Variants in MBNL3 observed in about 807,000 individuals in gnomAD.
MBNL3 encodes muscleblind like splicing regulator 3.
Under a neutral mutation model 24.5 loss-of-function variants are expected in MBNL3, and 6 were observed. The observed-to-expected ratio is 0.25, with a 90% CI of 0.13 to 0.48. The LOEUF (loss-of-function observed/expected upper bound fraction) is 0.48, where lower values mean the gene tolerates loss of function less well. MBNL3 is among the 20% of genes least tolerant of loss of function. The pLI is 0.99. For missense variants in MBNL3, 230 were observed against 293.5 expected (o/e 0.78, Z 1.58); for synonymous variants, 100 against 101.7 (o/e 0.98, Z 0.10).
At chrX:132,385,402 A>G (rs1935819058) in intron 6 of MBNL3, among the ~76,000 whole-genome samples, 3 of 111,623 alleles carry the variant, frequency 2.7e-5, no homozygotes, top group Admixed American at 1.9e-4. Flanking sequence ...TTCCACAGCT[A>G]TAATACAAAT....
chrX:132,370,433 C>A lies in MBNL3; in HGVS notation c.*9233G>T, dbSNP rs1569396032. On this transcript the variant is annotated 3_prime_UTR_variant, in exon 9 of 9. Coordinates refer to ENST00000370853, the MANE Select transcript of MBNL3 (RefSeq NM_001386889.1). The stretch of plus-strand genomic sequence containing the variant: ...AATTACGAGAGTGTTCATTTTTTGG[C>A]CTTCCTGATGTGGTGAATGACTGCA... 9.0e-6 allele frequency: 1 copy of A among 111,473 alleles called. No homozygotes were observed. The highest frequency in any genetic ancestry group is 1.9e-5 in the Non-Finnish European group (1 of 53,065). 9.2% of individuals were successfully genotyped at this position (111,473 alleles called of 1,213,427 possible). A position where few individuals can be genotyped will look rare whatever the true frequency, so the allele number is the denominator to read the frequency against.
chrX:132,416,336 C>T (rs764665143), intron 2 of MBNL3, among the ~76,000 whole-genome samples: 2 of 108,809 alleles, frequency 1.8e-5, no homozygotes, highest in Non-Finnish European at 3.8e-5. Context: ...CACTAATATG[C>T]GAGAGCTAAA....
intron 1 of MBNL3, among the ~76,000 whole-genome samples, chrX:132,447,268 T>C (rs1356168072): frequency 8.9e-6 from 1 of 111,963 alleles, no homozygotes; most frequent in Non-Finnish European, 1.9e-5. Context: ...AAATTTAAAG[T>C]AGTTTTTTCC....
intron 2 of MBNL3, among the ~76,000 whole-genome samples, chrX:132,423,804 C>T (rs1944051210): frequency 9.0e-6 from 1 of 111,616 alleles, no homozygotes; most frequent in Admixed American, 9.5e-5. Context: ...AACTGAGGCC[C>T]CCAGTTAACC....
At chrX:132,484,930 C>CGT (rs1491213286) in intron 1 of MBNL3, among the ~76,000 whole-genome samples, 3 of 101,117 alleles carry the variant, frequency 3.0e-5, no homozygotes, top group African/African-American at 1.3e-4. Flanking sequence ...AGAATACACA[C>CGT]GCGCACACAC....
At chrX:132,425,203 G>C (rs1414179428) in intron 2 of MBNL3, among the ~76,000 whole-genome samples, 3 of 111,564 alleles carry the variant, frequency 2.7e-5, no homozygotes, top group East Asian at 5.6e-4. Flanking sequence ...ATCATATCTT[G>C]GTTATTGAGG....
chrX:132,400,702 T>G (rs1259959554), intron 3 of MBNL3, among the ~76,000 whole-genome samples: 1 of 111,781 alleles, frequency 8.9e-6, no homozygotes, highest in Non-Finnish European at 1.9e-5. Context: ...CAATGTTAGT[T>G]GAACAAACAG....
In MBNL3 at chrX:132,457,447, A is replaced by G. The variant is rs1055789719; in HGVS notation, c.-703-17133T>C. ...TAGGCAAAAAAGAAGGAGGTGAAAA[A>G]GGAGGAGATGGAGGAGGAGGAGTCA... On this transcript the variant is annotated intron_variant, in intron 1 of 8. Transcript: ENST00000370853. 1.7e-4 allele frequency among the ~76,000 whole-genome samples: 19 copies of G among 111,116 alleles called. 1 individual carries two copies. Among genetic ancestry groups the G allele is most frequent in the African/African-American group, 5.2e-4 (16 of 30,599 alleles).
intron 2 of MBNL3, chrX:132,411,327 A>G (rs1029410280): frequency 5.8e-5 from 44 of 752,378 alleles, no homozygotes; most frequent in Non-Finnish European, 6.3e-5. Context: ...TTTCTTGCCT[A>G]TCTGTCTCCA....
At chrX:132,393,056 C>A (rs889398375) in intron 3 of MBNL3, among the ~76,000 whole-genome samples, 4 of 111,218 alleles carry the variant, frequency 3.6e-5, no homozygotes, top group Non-Finnish European at 5.7e-5. Context: ...TTGATACAGG[C>A]ATACTGTGTG....
chrX:132,471,167 A>C (rs1475237816), intron 1 of MBNL3, among the ~76,000 whole-genome samples: 1 of 111,411 alleles, frequency 9.0e-6, no homozygotes, highest in Non-Finnish European at 1.9e-5. Context: ...AGAAAAAAGT[A>C]CAAAATTACA....
At position 132,375,165 on chromosome X, in the gene MBNL3, T is replaced by C; in HGVS notation, c.*4501A>G. 8.9e-6 allele frequency: 1 copy of C among 111,840 alleles called. No individual in the cohort carries two copies. Among genetic ancestry groups the C allele is most frequent in the Non-Finnish European group, 1.9e-5 (1 of 53,008 alleles). The allele number at this position is 111,840 out of a possible 1,213,427, so 9.2% of individuals were successfully genotyped here. On this transcript the variant is annotated 3_prime_UTR_variant, in exon 9 of 9. Transcript: ENST00000370853. ...CTGTATTTTCTACAGGCTCATACTG[T>C]CACAAATCACCTATAGTTTACAAGT...
At chrX:132,426,373 C>T (rs1294152254) in intron 2 of MBNL3, among the ~76,000 whole-genome samples, 3 of 111,868 alleles carry the variant, frequency 2.7e-5, no homozygotes, top group East Asian at 2.8e-4. Context: ...TCAATTCCAT[C>T]GCTAGTTTTC....
At chrX:132,396,937 C>CATATATACATTCAT (rs1556298993) in intron 3 of MBNL3, among the ~76,000 whole-genome samples, 4 of 70,900 alleles carry the variant, frequency 5.6e-5, no homozygotes, top group African/African-American at 1.1e-4. Context: ...TATATACATT[C>CATATATACATTCAT]ATATATATAT....
rs769312406 is a variant in MBNL3 at position 132,381,465 on chromosome X, A to G, written c.1053+713T>C. 19 of 915,594 alleles carry G rather than the reference A, an allele frequency of 2.1e-5. No individual in the cohort carries two copies. The South Asian group carries it at 4.0e-4, about 19-fold the overall frequency. The allele number at this position is 915,594 out of a possible 1,213,427, so 75.5% of individuals were successfully genotyped here. ...AGTAAAAAAGATTTTAGATTAAAAT[A>G]GTTTCTTGGGAGAATTCTGTTTATG... On this transcript the variant is annotated intron_variant, in intron 8 of 8. Coordinates refer to ENST00000370853, the MANE Select transcript of MBNL3 (RefSeq NM_001386889.1).
chrX:132,415,842 A>C (rs1412523021), intron 2 of MBNL3, among the ~76,000 whole-genome samples: 1 of 111,921 alleles, frequency 8.9e-6, no homozygotes, highest in Non-Finnish European at 1.9e-5. Context: ...GCATGGACTA[A>C]GTTTATATTT....
In MBNL3 at chrX:132,392,136, C is replaced by G. The variant is rs769503922; in HGVS notation, c.534+7G>C. Reference sequence around the variant, plus strand: ...CTACAGGTATTTATATATATGTTCACAAATACCTCCAGTTTATCTGAACGC... The same window carrying G: ...CTACAGGTATTTATATATATGTTCAGAAATACCTCCAGTTTATCTGAACGC... On this transcript the variant is annotated splice_region_variant and intron_variant, in intron 4 of 8. Coordinates refer to ENST00000370853, the MANE Select transcript of MBNL3 (RefSeq NM_001386889.1). 3 of 1,183,910 alleles carry G rather than the reference C, an allele frequency of 2.5e-6. No individual in the cohort carries two copies. The South Asian group carries it at 5.7e-5, about 22-fold the overall frequency.
At position 132,423,406 on chromosome X, in the gene MBNL3, C is replaced by T. The variant is rs181989583; in HGVS notation, c.177+16029G>A. On this transcript the variant is annotated intron_variant, in intron 2 of 8. Transcript: ENST00000370853. ...ACACCTTTACTCACTACAGAAATCCCAATCATTTGAGAACATTACCCCTTC... is the reference window on the plus strand; with the variant it reads ...ACACCTTTACTCACTACAGAAATCCTAATCATTTGAGAACATTACCCCTTC... Among the ~76,000 whole-genome samples the T allele has an allele frequency of 7.2e-5, 8 of 111,045 alleles. No homozygotes were observed. In the East Asian group the frequency reaches 2.3e-3, roughly 31 times the overall value.
chrX:132,437,617 G>A (rs1945183536), intron 2 of MBNL3, among the ~76,000 whole-genome samples: 1 of 111,113 alleles, frequency 9.0e-6, no homozygotes, highest in Non-Finnish European at 1.9e-5. Flanking sequence ...GGCTGGGACT[G>A]TACCCCAGAT....
Sources: gnomAD v4.1 joint callset for allele counts (sites outside exome capture counted in the v4.1 genomes callset) on GRCh38, gnomAD v4.1.1 for gene constraint, MANE v1.5 for transcripts, NCBI Gene and HGNC (gene_info 2026-07-23, HGNC 2026-07-21) for gene names.